SLC25A36: variants seen among roughly 807,000 people sequenced by gnomAD.
The protein encoded by SLC25A36 is solute carrier family 25 member 36.
SLC25A36 carries 24 observed loss-of-function variants against 35.3 expected under a neutral mutation model. The observed-to-expected ratio is 0.68, with a 90% CI of 0.49 to 0.96. The LOEUF (loss-of-function observed/expected upper bound fraction) is 0.96, where lower values mean the gene tolerates loss of function less well. Ranked by LOEUF, SLC25A36 falls within the 40% of genes least tolerant of loss-of-function variation. SLC25A36 has a pLI of 0.00. For missense variants in SLC25A36, 294 were observed against 381.1 expected, an observed-to-expected ratio of 0.77 and a Z score of 1.90; for synonymous variants, 141 against 132.2, an observed-to-expected ratio of 1.07 and a Z score of -0.46.
intron 5 of SLC25A36, among the ~76,000 whole-genome samples, chr3:140,972,045 A>T (rs1934917817): frequency 6.6e-6 from 1 of 152,196 alleles, no homozygotes. Context: ...TTTTAATGAA[A>T]TCTTAAGTGT....
intron 1 of SLC25A36, among the ~76,000 whole-genome samples, chr3:140,951,566 C>T (rs1934323837): frequency 6.6e-6 from 1 of 152,108 alleles, no homozygotes; most frequent in Non-Finnish European, 1.5e-5. Flanking sequence ...TCACTGCAAC[C>T]TCCGCCTCCC....
chr3:140,942,082 C>T lies in SLC25A36; in HGVS notation c.28C>T (p.Leu10=). 6.7e-7 allele frequency: 1 copy of T among 1,483,278 alleles called. No homozygotes were observed. The highest frequency in any genetic ancestry group is 2.8e-5 in the East Asian group (1 of 35,506). 91.9% of individuals were successfully genotyped at this position (1,483,278 alleles called of 1,614,324 possible). MSQRDTLVH[L]FAGGCGGTVG... ...GAGCCAGAGGGACACGCTGGTGCAT[C>T]TGTTTGCCGGAGGGTAAGGTCCTGG... is the stretch of plus-strand genomic sequence containing the variant. Residue 10 remains leucine, a synonymous_variant, in exon 1 of 7, where the codon CTG becomes TTG. Coordinates refer to ENST00000324194, the MANE Select transcript of SLC25A36 (RefSeq NM_001104647.3).
chr3:140,966,410 C>T (rs779229487), intron 4 of SLC25A36: 1 of 275,738 alleles, frequency 3.6e-6, no homozygotes, highest in Non-Finnish European at 7.4e-6. Context: ...TGCAATATTA[C>T]TGGCCATAGT....
intron 1 of SLC25A36, among the ~76,000 whole-genome samples, chr3:140,946,906 G>T (rs2107779547): frequency 6.6e-6 from 1 of 152,304 alleles, no homozygotes. Context: ...TGGAACATAA[G>T]TGGTGCCATG....
chr3:140,955,238 C>T (rs939990530), intron 1 of SLC25A36, among the ~76,000 whole-genome samples: 2 of 151,802 alleles, frequency 1.3e-5, no homozygotes, highest in East Asian at 3.9e-4. Flanking sequence ...TGCCTGCTTT[C>T]CTTTATATAT....
chr3:140,975,331 C>T lies in SLC25A36; in HGVS notation c.743-929C>T, dbSNP rs555903700. Among the ~76,000 whole-genome samples, 4 of 151,936 alleles carry T rather than the reference C, an allele frequency of 2.6e-5. No homozygotes were observed. In the South Asian group the frequency reaches 8.3e-4, roughly 32 times the overall value. ...CTGGGTTCCCCAGGCTGGTCTCAAA[C>T]TCTGGGCTCAAGCGATTCTCCCACC... On this transcript the variant is annotated intron_variant, in intron 6 of 6. Transcript: ENST00000324194.
At chr3:140,963,418 G>A (rs1934680684) in intron 4 of SLC25A36, 191 bp downstream of exon 4, 1 of 476,654 alleles carries the variant, frequency 2.1e-6, no homozygotes, top group African/African-American at 2.0e-5. Context: ...TTGTAGTCAG[G>A]AGTTTACATG....
chr3:140,946,251 CT>C (rs1559809223), intron 1 of SLC25A36, among the ~76,000 whole-genome samples: 1 of 152,154 alleles, frequency 6.6e-6, no homozygotes, highest in Non-Finnish European at 1.5e-5. Context: ...GATGATGAAT[CT>C]TACTGAGATG....
chr3:140,979,992 T>C lies in SLC25A36; in HGVS notation c.*3539T>C, dbSNP rs185434451. On this transcript the variant is annotated 3_prime_UTR_variant, in exon 7 of 7. Transcript: ENST00000324194. ...TTTTATTGAGAACATAATCACACTT[T>C]TTTGGATTATCCTATGTGTGGAACA... 97 of 152,344 alleles carry C rather than the reference T, an allele frequency of 6.4e-4. No homozygotes were observed. The highest frequency in any genetic ancestry group is 2.2e-3 in the African/African-American group (92 of 41,588). 9.4% of individuals were successfully genotyped at this position (152,344 alleles called of 1,614,324 possible). A position where few individuals can be genotyped will look rare whatever the true frequency, so the allele number is the denominator to read the frequency against.
chr3:140,969,605 A>G (rs948534967), intron 4 of SLC25A36, among the ~76,000 whole-genome samples: 7 of 151,900 alleles, frequency 4.6e-5, no homozygotes, highest in Admixed American at 3.9e-4. Flanking sequence ...TGGGTTGAGG[A>G]AGTAAAATTT....
rs1935135659 is a variant in SLC25A36, at chr3:140,979,504, A to G, written c.*3051A>G. The stretch of plus-strand genomic sequence containing the variant: ...AGTTCAGCCTTTTCTCCTCAAATAT[A>G]TAATGACTTTAACATTCCTAAGAAT... On this transcript the variant is annotated 3_prime_UTR_variant, in exon 7 of 7. Transcript: ENST00000324194. The G allele has an allele frequency of 6.6e-6, 1 of 152,180 alleles. No homozygotes were observed. The highest frequency in any genetic ancestry group is 1.5e-5 in the Non-Finnish European group (1 of 68,024). The allele number at this position is 152,180 out of a possible 1,614,324, so 9.4% of individuals were successfully genotyped here.
chr3:140,972,003 G>C (rs982179175), intron 5 of SLC25A36, among the ~76,000 whole-genome samples: 1 of 152,108 alleles, frequency 6.6e-6, no homozygotes, highest in African/African-American at 2.4e-5. Context: ...AACTTGAAAA[G>C]AAATATCTAA....
chr3:140,943,269 G>C (rs932336455), intron 1 of SLC25A36, among the ~76,000 whole-genome samples: 3 of 152,204 alleles, frequency 2.0e-5, no homozygotes, highest in African/African-American at 7.2e-5. Flanking sequence ...TACACACGCA[G>C]TTCTATTCAC....
chr3:140,960,799 A>G (rs1181808741), intron 3 of SLC25A36, among the ~76,000 whole-genome samples: 1 of 151,710 alleles, frequency 6.6e-6, no homozygotes, highest in African/African-American at 2.4e-5. Flanking sequence ...AAGTCAAAAG[A>G]CAGAGAACAA....
chr3:140,969,682 G>C (rs897137900), intron 4 of SLC25A36, among the ~76,000 whole-genome samples: 3 of 151,818 alleles, frequency 2.0e-5, no homozygotes, highest in African/African-American at 4.8e-5. Context: ...AAACAATTTA[G>C]TGTAATTATT....
At chr3:140,962,843 G>T (rs1242107441) in intron 3 of SLC25A36, among the ~76,000 whole-genome samples, 2 of 149,012 alleles carry the variant, frequency 1.3e-5, no homozygotes, top group East Asian at 2.0e-4. Flanking sequence ...TATCTTCTTG[G>T]TTACCAAGTT....
rs568646205 is a variant in SLC25A36 at position 140,963,000 on chromosome 3, AC to A, written c.285-126del. The A allele has an allele frequency of 2.9e-4, 146 of 511,254 alleles. 1 individual carries two copies. The highest frequency in any genetic ancestry group is 2.6e-3 in the African/African-American group (131 of 49,682). 31.7% of individuals were successfully genotyped at this position (511,254 alleles called of 1,614,324 possible). ...TTATGAAAAGTGTAAATCTAATGTT[AC>A]ATGAGAATGTGGCTAGGACTTTATG... On this transcript the variant is annotated intron_variant, in intron 3 of 6. Coordinates refer to ENST00000324194, the MANE Select transcript of SLC25A36 (RefSeq NM_001104647.3).
intron 4 of SLC25A36, chr3:140,966,967 G>A: frequency 2.2e-6 from 1 of 456,256 alleles, no homozygotes; most frequent in Non-Finnish European, 4.4e-6. Flanking sequence ...AGAAAAGAGT[G>A]AGATCGTGTC....
chr3:140,960,827 TAAAGGAACAACC>T (rs1413394540), intron 3 of SLC25A36, among the ~76,000 whole-genome samples: 2 of 152,066 alleles, frequency 1.3e-5, no homozygotes, highest in African/African-American at 4.8e-5. Context: ...AACTAATAAC[TAAAGGAACAACC>T]AAAGGAACTA....
Sources: gnomAD v4.1 joint callset for allele counts (sites outside exome capture counted in the v4.1 genomes callset) on GRCh38, gnomAD v4.1.1 for gene constraint, MANE v1.5 for transcripts, NCBI Gene and HGNC (gene_info 2026-07-23, HGNC 2026-07-21) for gene names.